Variants in CELF2 observed in about 807,000 individuals in gnomAD.
CELF2 encodes CUG triplet repeat RNA-binding protein 2.
CELF2 carries 8 observed loss-of-function variants against 62.6 expected under a neutral mutation model. The observed-to-expected ratio is 0.13, with a 90% CI of 0.07 to 0.23. The LOEUF is 0.23. Among genes scored for constraint, CELF2 ranks in the 10% least tolerant of loss-of-function variants. The pLI, the probability that CELF2 is intolerant of heterozygous loss-of-function variation, is 1.00. For missense variants in CELF2, 333 were observed against 671.0 expected (o/e 0.50, Z 5.56); for synonymous variants, 258 against 250.0 (o/e 1.03, Z -0.30).
In CELF2 at chr10:11,226,608, ACACACAC is replaced by A. The variant is rs1565414856; in HGVS notation, c.354+9102_354+9108del. ...AGCTGGGCAGGCAGTGGCCACACAC[ACACACAC>A]ACACACACACACACACACACACACA... On this transcript the variant is annotated intron_variant, in intron 3 of 12. Coordinates refer to ENST00000633077, the MANE Select transcript of CELF2 (RefSeq NM_001326342.2). Among the ~76,000 whole-genome samples, 992 of 147,214 alleles carry A rather than the reference ACACACAC, an allele frequency of 6.7e-3. 12 individuals are homozygous for A. Among genetic ancestry groups the A allele is most frequent in the African/African-American group, 0.021 (824 of 38,422 alleles).
intron 1 of CELF2, among the ~76,000 whole-genome samples, chr10:11,134,283 T>A (rs1266188758): frequency 6.6e-6 from 1 of 152,218 alleles, no homozygotes; most frequent in Non-Finnish European, 1.5e-5. Context: ...CCCCGTGTTT[T>A]GTGAATCTAA....
chr10:11,279,473 T>C (rs2087449754), intron 8 of CELF2, among the ~76,000 whole-genome samples: 1 of 152,142 alleles, frequency 6.6e-6, no homozygotes, highest in Non-Finnish European at 1.5e-5. Flanking sequence ...AGTGGTGAAG[T>C]GTGCTTGGTA....
intron 1 of CELF2, chr10:11,097,496 T>G (rs2050227784): frequency 6.6e-6 from 1 of 152,176 alleles, no homozygotes; most frequent in Non-Finnish European, 1.5e-5. Context: ...ATAGGACCTT[T>G]CGATGCTATC....
the CELF2 span, among the ~76,000 whole-genome samples, chr10:10,464,866 G>A: frequency 1.3e-5 from 2 of 152,092 alleles, no homozygotes; most frequent in African/African-American, 2.4e-5. Flanking sequence ...AGAGAGTCAG[G>A]AATAGCCCCA....
At chr10:10,511,247 T>C in the CELF2 span, among the ~76,000 whole-genome samples, 1 of 152,006 alleles carries the variant, frequency 6.6e-6, no homozygotes, top group African/African-American at 2.4e-5. Flanking sequence ...CCATCTCTAC[T>C]GGAAAATACA....
chr10:10,609,211 G>A, the CELF2 span, among the ~76,000 whole-genome samples: 1 of 152,304 alleles, frequency 6.6e-6, no homozygotes, highest in African/African-American at 2.4e-5. Context: ...AAGGCCACAT[G>A]TGTTTGCTGG....
the CELF2 span, among the ~76,000 whole-genome samples, chr10:10,523,753 A>G: frequency 6.6e-6 from 1 of 152,214 alleles, no homozygotes; most frequent in Non-Finnish European, 1.5e-5. Context: ...CTGCCCTCAC[A>G]GAGCTCATGA....
the CELF2 span, among the ~76,000 whole-genome samples, chr10:10,766,618 G>C: frequency 6.6e-6 from 1 of 152,198 alleles, no homozygotes; most frequent in Non-Finnish European, 1.5e-5. Context: ...CAGGGACTAG[G>C]TGAGCCTTGG....
At chr10:11,264,301 T>A (rs143702748) in intron 5 of CELF2, among the ~76,000 whole-genome samples, 3 of 152,386 alleles carry the variant, frequency 2.0e-5, no homozygotes, top group African/African-American at 7.2e-5. Flanking sequence ...TCTGCATATA[T>A]GAAATTGTGG....
chr10:11,331,528 T>G lies in CELF2; in HGVS notation c.*2475T>G, dbSNP rs922040721. The G allele has an allele frequency of 2.0e-5, 3 of 152,302 alleles. No homozygotes were observed. Among genetic ancestry groups the G allele is most frequent in the Non-Finnish European group, 4.4e-5 (3 of 67,954 alleles). 9.4% of individuals were successfully genotyped at this position (152,302 alleles called of 1,614,324 possible). A position where few individuals can be genotyped will look rare whatever the true frequency, so the allele number is the denominator to read the frequency against. ...TCCAAAGGTACTTCCTTCCTAGAGCTTCAGTGTGTTTCTTGTGAGAAGTAA... is the reference window on the plus strand; with the variant it reads ...TCCAAAGGTACTTCCTTCCTAGAGCGTCAGTGTGTTTCTTGTGAGAAGTAA... On this transcript the variant is annotated 3_prime_UTR_variant, in exon 13 of 13. Transcript: ENST00000633077.
intron 2 of CELF2, among the ~76,000 whole-genome samples, chr10:11,172,931 A>G (rs1484600428): frequency 3.9e-5 from 6 of 152,232 alleles, no homozygotes; most frequent in Admixed American, 3.9e-4. Flanking sequence ...TTTGGTAGAA[A>G]TGTGACATGA....
chr10:10,784,846 T>A, the CELF2 span, among the ~76,000 whole-genome samples: 1 of 152,192 alleles, frequency 6.6e-6, no homozygotes, highest in Non-Finnish European at 1.5e-5. Flanking sequence ...AGTATGTCCC[T>A]GTCTCCTGTC....
In CELF2 at chr10:11,211,809, AGAGAGTGTGTGTGTGTGTGTGT is replaced by A. The variant is rs1286526151; in HGVS notation, c.272-5614_272-5593del. Among the ~76,000 whole-genome samples, 18 of 129,856 alleles carry A rather than the reference AGAGAGTGTGTGTGTGTGTGTGT, an allele frequency of 1.4e-4. No individual in the cohort carries two copies. The highest frequency in any genetic ancestry group is 5.7e-4 in the African/African-American group (18 of 31,812). 85.2% of individuals were successfully genotyped at this position (129,856 alleles called of 152,430 possible). A position where few individuals can be genotyped will look rare whatever the true frequency, so the allele number is the denominator to read the frequency against. Reference sequence around the variant, plus strand: ...ATGTGTGTGAGAGAGAGAGAGAGAGAGAGAGTGTGTGTGTGTGTGTGTGTGTGTGTGTGTGTGTGTGTGTGTA... The same window carrying A: ...ATGTGTGTGAGAGAGAGAGAGAGAGAGTGTGTGTGTGTGTGTGTGTGTGTA... On this transcript the variant is annotated intron_variant, in intron 2 of 12. Coordinates refer to ENST00000633077, the MANE Select transcript of CELF2 (RefSeq NM_001326342.2). The surrounding 1 kb of genome is among the most constrained non-coding windows in gnomAD (Gnocchi z 4.8).
chr10:11,082,373 A>G (rs1001042448), intron 1 of CELF2, among the ~76,000 whole-genome samples: 1 of 151,712 alleles, frequency 6.6e-6, no homozygotes. Flanking sequence ...CTATCTCCAA[A>G]CTCTCTTCCC....
rs2094232473 is a variant in CELF2 at position 11,306,668 on chromosome 10, A to G, written c.977-7471A>G. Among the ~76,000 whole-genome samples the G allele has an allele frequency of 6.6e-6, 1 of 152,158 alleles. No homozygotes were observed. Among genetic ancestry groups the G allele is most frequent in the African/African-American group, 2.4e-5 (1 of 41,428 alleles). ...TTCAAAGTATTGTCTGATGATGTAG[A>G]GTGCACAGGGAGTCTTTCCACTTTA... On this transcript the variant is annotated intron_variant, in intron 9 of 12. Coordinates refer to ENST00000633077, the MANE Select transcript of CELF2 (RefSeq NM_001326342.2). The surrounding 1 kb of genome is among the most constrained non-coding windows in gnomAD (Gnocchi z 4.4).
chr10:10,857,646 A>ATACTATATATATAT (rs1564727098), intron 1 of CELF2, among the ~76,000 whole-genome samples: 2 of 70,400 alleles, frequency 2.8e-5, no homozygotes, highest in African/African-American at 1.1e-4. Context: ...CTACATATAT[A>ATACTATATATATAT]TAGTATATAT....
the CELF2 span, among the ~76,000 whole-genome samples, chr10:10,557,613 A>G: frequency 1.3e-5 from 2 of 152,074 alleles, no homozygotes; most frequent in South Asian, 4.2e-4. Flanking sequence ...GAATCTGTAA[A>G]TTACCTTGGG....
intron 1 of CELF2, among the ~76,000 whole-genome samples, chr10:11,123,440 A>G (rs898229308): frequency 6.6e-6 from 1 of 152,076 alleles, no homozygotes; most frequent in Admixed American, 6.6e-5. Flanking sequence ...TTGTAGAGAC[A>G]GGGTCTGGCT....
At chr10:10,477,480 G>C in the CELF2 span, among the ~76,000 whole-genome samples, 1 of 152,088 alleles carries the variant, frequency 6.6e-6, no homozygotes, top group African/African-American at 2.4e-5. Context: ...AGAAACATCT[G>C]GTGGGCATTC....
Sources: gnomAD v4.1 joint callset for allele counts (sites outside exome capture counted in the v4.1 genomes callset) on GRCh38, gnomAD v4.1.1 for gene constraint, Gnocchi (gnomAD v3.1) non-coding constraint, MANE v1.5 for transcripts, NCBI Gene and HGNC (gene_info 2026-07-23, HGNC 2026-07-21) for gene names.